PGAP1: variants seen among roughly 807,000 people sequenced by gnomAD.
PGAP1 encodes post-GPI attachment to proteins inositol deacylase 1, also known as GPI inositol-deacylase.
PGAP1 carries 76 observed loss-of-function variants against 127.0 expected under a neutral mutation model. The ratio of observed to expected loss-of-function variants is 0.60; its 90% confidence interval spans 0.50 to 0.72. The LOEUF (loss-of-function observed/expected upper bound fraction) is 0.72, where lower values mean the gene tolerates loss of function less well. Ranked by LOEUF, PGAP1 falls within the 30% of genes least tolerant of loss-of-function variation. The pLI, the probability that PGAP1 is intolerant of heterozygous loss-of-function variation, is 0.00. For missense variants in PGAP1, 982 were observed against 1,071.3 expected, an observed-to-expected ratio of 0.92 and a Z score of 1.16; for synonymous variants, 362 against 366.5, an observed-to-expected ratio of 0.99 and a Z score of 0.14.
chr2:196,919,652 T>A (rs1186458685), intron 2 of PGAP1, among the ~76,000 whole-genome samples: 1 of 152,178 alleles, frequency 6.6e-6, no homozygotes, highest in African/African-American at 2.4e-5. Flanking sequence ...ACTTCCCTAA[T>A]CAATGCTTAA....
At chr2:196,925,202 C>A (rs1703322518) in intron 1 of PGAP1, among the ~76,000 whole-genome samples, 1 of 152,140 alleles carries the variant, frequency 6.6e-6, no homozygotes, top group Non-Finnish European at 1.5e-5. Flanking sequence ...CAAATGAAAT[C>A]TAAATTTACT....
Position 196,845,927 on chromosome 2 carries a change from A to C in PGAP1, c.2241T>G (p.Cys747Trp), listed in dbSNP as rs752073386. The C allele has an allele frequency of 2.7e-5, 44 of 1,609,214 alleles. No homozygotes were observed. The highest frequency in any genetic ancestry group is 3.7e-5 in the Non-Finnish European group (44 of 1,177,188). The change falls in exon 23 of 27, where the codon TGT becomes TGG. Residue 747 changes from cysteine (C) to tryptophan (W), a missense_variant. Physicochemically the swap from Cys to Trp is radical, Grantham distance 215 (BLOSUM62 -2). Coordinates refer to ENST00000354764, the MANE Select transcript of PGAP1 (RefSeq NM_024989.4). ...AAGAAAGAAGTATGGCTAGTGCTCC[A>C]CAAGTTGTCCAACTAACTATGATCA... ...IVLIIVSWTT[C>W]GALAILLSYL...
intron 4 of PGAP1, among the ~76,000 whole-genome samples, chr2:196,903,476 G>A (rs1262974662): frequency 4.0e-5 from 6 of 149,170 alleles, no homozygotes; most frequent in Admixed American, 2.0e-4. Flanking sequence ...CAGGAGAATC[G>A]CTTGAACCCG....
chr2:196,920,098 T>C lies in PGAP1; in HGVS notation c.200A>G (p.Tyr67Cys). 1.2e-6 allele frequency: 2 copies of C among 1,613,302 alleles called. No individual in the cohort carries two copies. The highest frequency in any genetic ancestry group is 1.3e-5 in the African/African-American group (1 of 75,034). ...LAKRYPAYEL[Y>C]LYGEGSYAEE... Reference sequence around the variant, plus strand: ...AGCATAGGATCCCTCTCCATAAAGATACAACTCATATGCGGGATAGCGTTT... The same window carrying C: ...AGCATAGGATCCCTCTCCATAAAGACACAACTCATATGCGGGATAGCGTTT... The change falls in exon 2 of 27, where the codon TAT becomes TGT. Residue 67 changes from tyrosine to cysteine, a missense_variant. By Grantham distance (194) the Tyr-to-Cys change is radical. Transcript: ENST00000354764.
At chr2:196,878,753 C>T (rs1701640262) in intron 13 of PGAP1, among the ~76,000 whole-genome samples, 1 of 152,160 alleles carries the variant, frequency 6.6e-6, no homozygotes, top group East Asian at 1.9e-4. Flanking sequence ...ACTTTTCCTC[C>T]ACTACTATTC....
chr2:196,882,720 T>C lies in PGAP1; in HGVS notation c.1273-2567A>G, dbSNP rs190937124. Among the ~76,000 whole-genome samples, 673 of 152,336 alleles carry C rather than the reference T, an allele frequency of 4.4e-3. 10 individuals carry two copies. The highest frequency in any genetic ancestry group is 6.8e-3 in the Middle Eastern group (2 of 294). On this transcript the variant is annotated intron_variant, in intron 12 of 26. Transcript: ENST00000354764. Reference sequence around the variant, plus strand: ...TTGATTTTGTATCATGATAATTTGCTGAAGTTGCTTATCAGCTTAAGGAGC... The same window carrying C: ...TTGATTTTGTATCATGATAATTTGCCGAAGTTGCTTATCAGCTTAAGGAGC...
chr2:196,925,907 C>T (rs923527432), intron 1 of PGAP1, among the ~76,000 whole-genome samples: 1 of 152,024 alleles, frequency 6.6e-6, no homozygotes. Context: ...TAGGCAAAAC[C>T]CTGGAGTCTC....
Position 196,899,890 on chromosome 2 carries a change from T to C in PGAP1, c.808-1521A>G, listed in dbSNP as rs115672260. 3.7e-3 allele frequency among the ~76,000 whole-genome samples: 560 copies of C among 152,220 alleles called. 4 individuals are homozygous for C. Among genetic ancestry groups the C allele is most frequent in the African/African-American group, 0.013 (520 of 41,526 alleles). ...CTCTACTAAAAAAATTTCAAAAAAT[T>C]AGCTGGGCATGGGGGCGTGTGCCTC... On this transcript the variant is annotated intron_variant, in intron 5 of 26. Transcript: ENST00000354764.
chr2:196,888,887 T>C lies in PGAP1; in HGVS notation c.1173+1941A>G, dbSNP rs551081093. On this transcript the variant is annotated intron_variant, in intron 10 of 26. Transcript: ENST00000354764. ...TAATAAAATGCCCAGAATTTACTTT[T>C]AAAATTTTTCAGTCAAAAAAAGTGT... Among the ~76,000 whole-genome samples, 5 of 152,298 alleles carry C rather than the reference T, an allele frequency of 3.3e-5. No individual in the cohort carries two copies. In the East Asian group the frequency reaches 9.6e-4, roughly 29 times the overall value.
intron 2 of PGAP1, among the ~76,000 whole-genome samples, chr2:196,917,787 G>A (rs1703064554): frequency 1.3e-5 from 2 of 151,964 alleles, no homozygotes; most frequent in East Asian, 3.9e-4. Flanking sequence ...ATTATATGCT[G>A]CTATGAACAT....
chr2:196,861,275 AT>A lies in PGAP1; in HGVS notation c.1861+3711del, dbSNP rs528174693. On this transcript the variant is annotated intron_variant, in intron 20 of 26. Coordinates refer to ENST00000354764, the MANE Select transcript of PGAP1 (RefSeq NM_024989.4). ...CTTTGGGACACTGGTCTGGGCAAAAATTTTTTGGGTAAGACCTCAAAAGCAC... is the reference window on the plus strand; with the variant it reads ...CTTTGGGACACTGGTCTGGGCAAAAATTTTTGGGTAAGACCTCAAAAGCAC... Among the ~76,000 whole-genome samples, 185 of 152,312 alleles carry A rather than the reference AT, an allele frequency of 1.2e-3. 1 individual carries two copies. Among genetic ancestry groups the A allele is most frequent in the Admixed American group, 2.4e-3 (36 of 15,298 alleles).
intron 10 of PGAP1, among the ~76,000 whole-genome samples, 163 bp from the exon 11 acceptor site, chr2:196,886,043 G>A (rs1701893091): frequency 6.6e-6 from 1 of 151,850 alleles, no homozygotes; most frequent in Admixed American, 6.6e-5. Flanking sequence ...TATCCAAGAT[G>A]TTCTCAAAGT....
At chr2:196,917,352 T>C (rs1229367402) in intron 2 of PGAP1, among the ~76,000 whole-genome samples, 2 of 152,246 alleles carry the variant, frequency 1.3e-5, no homozygotes, top group African/African-American at 4.8e-5. Flanking sequence ...CCACATATTA[T>C]ACAACTCACT....
chr2:196,924,482 T>C (rs956420835), intron 1 of PGAP1, among the ~76,000 whole-genome samples: 1 of 152,192 alleles, frequency 6.6e-6, no homozygotes, highest in Non-Finnish European at 1.5e-5. Flanking sequence ...TATAGGCTGG[T>C]TTTAATTGTA....
chr2:196,889,808 G>A (rs991266299), intron 10 of PGAP1, among the ~76,000 whole-genome samples: 9 of 144,188 alleles, frequency 6.2e-5, no homozygotes, highest in African/African-American at 2.3e-4. Context: ...GCAGTGAGCC[G>A]AGACTGCGCC....
At chr2:196,865,311 A>ATATATGTCC (rs1553599672) in intron 19 of PGAP1, among the ~76,000 whole-genome samples, 1 of 152,324 alleles carries the variant, frequency 6.6e-6, no homozygotes, top group East Asian at 1.9e-4. Context: ...ATTGAGTAGC[A>ATATATGTCC]TATATGTCCT....
chr2:196,890,915 C>A lies in PGAP1; in HGVS notation c.1090-4G>T. The A allele has an allele frequency of 1.4e-6, 2 of 1,449,094 alleles. No individual in the cohort carries two copies. The highest frequency in any genetic ancestry group is 1.8e-4 in the Middle Eastern group (1 of 5,470). The allele number at this position is 1,449,094 out of a possible 1,614,324, so 89.8% of individuals were successfully genotyped here. A position where few individuals can be genotyped will look rare whatever the true frequency, so the allele number is the denominator to read the frequency against. On this transcript the variant is annotated splice_region_variant and splice_polypyrimidine_tract_variant and intron_variant, in intron 9 of 26. Coordinates refer to ENST00000354764, the MANE Select transcript of PGAP1 (RefSeq NM_024989.4). ...TAAAATATATCTTCTCAGATTCCTA[C>A]AAAAAGAAGGAAAACACTCAATATA...
chr2:196,890,250 A>C (rs1215345204), intron 10 of PGAP1, among the ~76,000 whole-genome samples: 11 of 152,124 alleles, frequency 7.2e-5, no homozygotes, highest in Non-Finnish European at 1.5e-5. Flanking sequence ...TCCTAATATC[A>C]TAATAAATGC....
chr2:196,845,830 G>C, intron 23 of PGAP1, 52 bp downstream of exon 23: 1 of 1,489,948 alleles, frequency 6.7e-7, no homozygotes, highest in Non-Finnish European at 9.1e-7. Context: ...CATCCTACAT[G>C]TATGTGCCTA....
Sources: gnomAD v4.1 joint callset for allele counts (sites outside exome capture counted in the v4.1 genomes callset) on GRCh38, gnomAD v4.1.1 for gene constraint, MANE v1.5 for transcripts, NCBI Gene and HGNC (gene_info 2026-07-23, HGNC 2026-07-21) for gene names.